Variants in HDAC1 observed in about 807,000 individuals in gnomAD.
HDAC1 encodes the protein protein deacetylase HDAC1.
A neutral mutation model predicts 65.5 loss-of-function variants in HDAC1; 18 were observed. That is an observed-to-expected ratio of 0.27 (90% CI 0.19 to 0.41). The LOEUF (loss-of-function observed/expected upper bound fraction) is 0.41. Ranked by LOEUF, HDAC1 falls within the 10% of genes least tolerant of loss-of-function variation. The pLI is 1.00. For missense variants in HDAC1, 373 were observed against 625.2 expected, an observed-to-expected ratio of 0.60 and a Z score of 4.30; for synonymous variants, 211 against 227.9, an observed-to-expected ratio of 0.93 and a Z score of 0.67.
chr1:32,318,654 A>G (rs1327790875), intron 3 of HDAC1, among the ~76,000 whole-genome samples: 1 of 152,070 alleles, frequency 6.6e-6, no homozygotes, highest in African/African-American at 2.4e-5. Flanking sequence ...CCCTCAATGA[A>G]TTGCTTTTGC....
At chr1:32,300,500 A>T (rs755529615) in intron 1 of HDAC1, among the ~76,000 whole-genome samples, 1 of 151,808 alleles carries the variant, frequency 6.6e-6, no homozygotes, top group Non-Finnish European at 1.5e-5. Flanking sequence ...GGTTGCACTG[A>T]GCCGCCGAGA....
At position 32,329,431 on chromosome 1, in the gene HDAC1, C is replaced by T. The variant is rs1641262107; in HGVS notation, c.729+271C>T. On this transcript the variant is annotated intron_variant, in intron 7 of 13. Transcript: ENST00000373548. The surrounding 1 kb of genome is among the most constrained non-coding windows in gnomAD (Gnocchi z 4.1). ...CGGACTATGGTGGGGAAGGCAGGCA[C>T]ATACCCAGTAGTCTATGATTAGTAC... The T allele has an allele frequency of 3.5e-6, 2 of 566,990 alleles. No homozygotes were observed. 35.1% of individuals were successfully genotyped at this position (566,990 alleles called of 1,614,324 possible). A position where few individuals can be genotyped will look rare whatever the true frequency, so the allele number is the denominator to read the frequency against.
chr1:32,307,296 C>T (rs1391124623), intron 2 of HDAC1, among the ~76,000 whole-genome samples: 16 of 152,130 alleles, frequency 1.1e-4, no homozygotes, highest in Non-Finnish European at 1.9e-4. Context: ...TAGCTCTTAG[C>T]GACTTCAGCA....
Position 32,331,404 on chromosome 1 carries a change from G to C in HDAC1, c.980-70G>C, listed in dbSNP as rs1221069164. 1 of 859,520 alleles carries C rather than the reference G, an allele frequency of 1.2e-6. No homozygotes were observed. The highest frequency in any genetic ancestry group is 1.7e-5 in the African/African-American group (1 of 59,972). The allele number at this position is 859,520 out of a possible 1,614,324, so 53.2% of individuals were successfully genotyped here. A position where few individuals can be genotyped will look rare whatever the true frequency, so the allele number is the denominator to read the frequency against. ...CAGAGAAACCTACAAATGCTTTAGG[G>C]TGCTTACGTGCAAATGGTTAGGGTG... On this transcript the variant is annotated intron_variant, in intron 9 of 13. Coordinates refer to ENST00000373548, the MANE Select transcript of HDAC1 (RefSeq NM_004964.3). The surrounding 1 kb of genome is among the most constrained non-coding windows in gnomAD (Gnocchi z 4.2).
chr1:32,311,854 T>G (rs1390548774), intron 2 of HDAC1, among the ~76,000 whole-genome samples: 1 of 152,104 alleles, frequency 6.6e-6, no homozygotes, highest in African/African-American at 2.4e-5. Flanking sequence ...AATCTGGAGC[T>G]CAGAACTAAG....
intron 3 of HDAC1, among the ~76,000 whole-genome samples, chr1:32,319,118 C>CA (rs902325891): frequency 4.9e-4 from 70 of 143,708 alleles, no homozygotes; most frequent in East Asian, 3.8e-3. Flanking sequence ...GACTCCGTCT[C>CA]AAAAAAAAAA....
In HDAC1 at chr1:32,292,140, G is replaced by T. The variant is rs750062822; in HGVS notation, c.-30G>T. The T allele has an allele frequency of 2.6e-6, 4 of 1,546,908 alleles. No homozygotes were observed. The highest frequency in any genetic ancestry group is 2.4e-5 in the South Asian group (2 of 83,894). On this transcript the variant is annotated 5_prime_UTR_variant, in exon 1 of 14. Transcript: ENST00000373548. ...CCGCGGGCGGGAGGGCGGACGGACC[G>T]ACTGACGGTAGGGACGGGAGGCGAG...
chr1:32,300,420 T>G (rs973068118), intron 1 of HDAC1, among the ~76,000 whole-genome samples: 4 of 152,072 alleles, frequency 2.6e-5, no homozygotes, highest in African/African-American at 9.7e-5. Flanking sequence ...CTGGATTTGG[T>G]GGCACGCACC....
rs370058346 is a variant in HDAC1, at chr1:32,327,711, C to G, written c.636+34C>G. ...GCCCTTTAGGAGCCAACCGGCTTAC[C>G]CTCAGCTGGCAGCTCTACTTCTCTC... On this transcript the variant is annotated intron_variant, in intron 6 of 13. Transcript: ENST00000373548. This position sits in a 1 kb window ranked among gnomAD's most constrained non-coding sequence, Gnocchi z 6.0. 1.0e-5 allele frequency: 16 copies of G among 1,607,802 alleles called. No homozygotes were observed. Among genetic ancestry groups the G allele is most frequent in the Non-Finnish European group, 1.4e-5 (16 of 1,174,508 alleles).
At chr1:32,302,072 C>A (rs1052115269) in intron 1 of HDAC1, among the ~76,000 whole-genome samples, 1 of 152,080 alleles carries the variant, frequency 6.6e-6, no homozygotes, top group Non-Finnish European at 1.5e-5. Flanking sequence ...GTAGAGGGAC[C>A]AATTAGAAGG....
chr1:32,322,147 C>T (rs1641156366), intron 3 of HDAC1, among the ~76,000 whole-genome samples: 1 of 152,210 alleles, frequency 6.6e-6, no homozygotes, highest in Non-Finnish European at 1.5e-5. Context: ...CCCAGGGCTG[C>T]TCCTTCCTCT....
intron 2 of HDAC1, among the ~76,000 whole-genome samples, chr1:32,306,192 CTTT>C (rs59708330): frequency 7.3e-6 from 1 of 137,478 alleles, no homozygotes; most frequent in Non-Finnish European, 1.6e-5. Context: ...TTTTCTTTTT[CTTT>C]TTTTTTTTTT....
intron 1 of HDAC1, among the ~76,000 whole-genome samples, chr1:32,293,619 T>A (rs1640727342): frequency 6.6e-6 from 1 of 151,398 alleles, no homozygotes; most frequent in Non-Finnish European, 1.5e-5. Flanking sequence ...AATACAAAAT[T>A]TAGGCTGGGC....
At chr1:32,303,877 C>A (rs962243495) in intron 2 of HDAC1, among the ~76,000 whole-genome samples, 2 of 152,040 alleles carry the variant, frequency 1.3e-5, no homozygotes, top group Non-Finnish European at 2.9e-5. Flanking sequence ...AAAAGTTAAC[C>A]CAGAGTTTTT....
chr1:32,327,044 A>G lies in HDAC1; in HGVS notation c.461A>G (p.Asn154Ser), dbSNP rs797044931. Reference protein sequence around the residue: ...KSEASGFCYVNDIVLAILELL... With the variant: ...KSEASGFCYVSDIVLAILELL... ...GAGGCATCTGGCTTCTGTTACGTCA[A>G]TGATATCGTCTTGGCCATCCTGGAA... The change falls in exon 5 of 14, where the codon AAT (asparagine) becomes AGT (serine). Residue 154 changes from asparagine to serine, a missense_variant. This residue lies in a region of HDAC1 where 62 missense variants were observed against 180.0 expected (regional missense o/e 0.34). Transcript: ENST00000373548. This position sits in a 1 kb window ranked among gnomAD's most constrained non-coding sequence, Gnocchi z 6.0. The G allele has an allele frequency of 6.2e-7, 1 of 1,614,156 alleles. No individual in the cohort carries two copies. The highest frequency in any genetic ancestry group is 1.7e-5 in the Admixed American group (1 of 60,016).
In HDAC1 at chr1:32,331,967, C is replaced by T. The variant is rs1387063892; in HGVS notation, c.1220-123C>T. ...AACAGGTTAGGGAGCCCGAGTTCCT[C>T]CCTCTTCTGGTTCCCTTTCCCTTGG... is the stretch of plus-strand genomic sequence containing the variant. On this transcript the variant is annotated intron_variant, in intron 11 of 13. Coordinates refer to ENST00000373548, the MANE Select transcript of HDAC1 (RefSeq NM_004964.3). The surrounding 1 kb of genome is among the most constrained non-coding windows in gnomAD (Gnocchi z 4.2). The T allele has an allele frequency of 7.2e-6, 10 of 1,389,378 alleles. No homozygotes were observed. The highest frequency in any genetic ancestry group is 9.7e-6 in the Non-Finnish European group (10 of 1,035,232). 86.1% of individuals were successfully genotyped at this position (1,389,378 alleles called of 1,614,324 possible). A position where few individuals can be genotyped will look rare whatever the true frequency, so the allele number is the denominator to read the frequency against.
chr1:32,327,475 C>T lies in HDAC1; in HGVS notation c.495-61C>T, dbSNP rs1641234407. 3.1e-6 allele frequency: 4 copies of T among 1,286,990 alleles called. No individual in the cohort carries two copies. The highest frequency in any genetic ancestry group is 1.2e-5 in the South Asian group (1 of 81,840). 79.7% of individuals were successfully genotyped at this position (1,286,990 alleles called of 1,614,324 possible). On this transcript the variant is annotated intron_variant, in intron 5 of 13. Coordinates refer to ENST00000373548, the MANE Select transcript of HDAC1 (RefSeq NM_004964.3). This position sits in a 1 kb window ranked among gnomAD's most constrained non-coding sequence, Gnocchi z 6.0. ...GCCAGCCCGGTAAGCTGGGAGCTAG[C>T]GCCCTTGGCACGTCCCATCCCCAAA... is the stretch of plus-strand genomic sequence containing the variant.
At chr1:32,322,984 G>A (rs925790965) in intron 3 of HDAC1, among the ~76,000 whole-genome samples, 21 of 152,260 alleles carry the variant, frequency 1.4e-4, no homozygotes, top group Admixed American at 1.2e-3. Context: ...GAAAAGGGCC[G>A]GGATATATTT....
chr1:32,327,517 G>A lies in HDAC1; in HGVS notation c.495-19G>A. 10 of 1,606,040 alleles carry A rather than the reference G, an allele frequency of 6.2e-6. No homozygotes were observed. Among genetic ancestry groups the A allele is most frequent in the Non-Finnish European group, 8.5e-6 (10 of 1,174,036 alleles). ...ATCCCCAAAGAGCCCCCAGACCCCTGACCCCCTTCTGATCCTAGGTATCAC... is the reference window on the plus strand; with the variant it reads ...ATCCCCAAAGAGCCCCCAGACCCCTAACCCCCTTCTGATCCTAGGTATCAC... On this transcript the variant is annotated intron_variant, in intron 5 of 13. Transcript: ENST00000373548. This position sits in a 1 kb window ranked among gnomAD's most constrained non-coding sequence, Gnocchi z 6.0.
Sources: gnomAD v4.1 joint callset for allele counts (sites outside exome capture counted in the v4.1 genomes callset) on GRCh38, gnomAD v4.1.1 for gene constraint, gnomAD v4.1.1 regional missense constraint, Gnocchi (gnomAD v3.1) non-coding constraint, MANE v1.5 for transcripts, NCBI Gene and HGNC (gene_info 2026-07-23, HGNC 2026-07-21) for gene names.